AGAP1: variants seen among roughly 807,000 people sequenced by gnomAD.
AGAP1 encodes ArfGAP with GTPase domain, ankyrin repeat and PH domain 1, also known as arf-GAP with GTPase, ANK repeat and PH domain-containing protein 1.
In AGAP1, 29 loss-of-function variants were observed where a neutral mutation model predicts 105.3. That is an observed-to-expected ratio of 0.28 (90% CI 0.21 to 0.38). The LOEUF is 0.38. Ranked by LOEUF, AGAP1 falls within the 10% of genes least tolerant of loss-of-function variation. The probability of loss-of-function intolerance (pLI) is 1.00; values close to 1 mark genes in which losing one functional copy is unlikely to be tolerated. For missense variants in AGAP1, 998 were observed against 1,165.1 expected (o/e 0.86, Z 2.09); for synonymous variants, 509 against 485.9 (o/e 1.05, Z -0.63).
rs1328696922 is a variant in AGAP1, at chr2:236,049,042, T to C, written c.1892-17T>C. ...GATGGTCTGATTGCGTTTAGCGTTC[T>C]GTTCCTCTTCCCGTAGATCCCAACT... On this transcript the variant is annotated splice_polypyrimidine_tract_variant and intron_variant, in intron 15 of 17. Coordinates refer to ENST00000304032, the MANE Select transcript of AGAP1 (RefSeq NM_001037131.3). 8 of 1,609,474 alleles carry C rather than the reference T, an allele frequency of 5.0e-6. No individual in the cohort carries two copies. The highest frequency in any genetic ancestry group is 6.8e-6 in the Non-Finnish European group (8 of 1,176,618).
At chr2:236,015,114 T>C (rs773224624) in intron 13 of AGAP1, among the ~76,000 whole-genome samples, 5 of 152,234 alleles carry the variant, frequency 3.3e-5, no homozygotes, top group Non-Finnish European at 5.9e-5. Context: ...TTCCCTTCAG[T>C]CGTAGAGTAG....
intron 16 of AGAP1, among the ~76,000 whole-genome samples, chr2:236,091,047 C>G (rs2059046962): frequency 6.6e-6 from 1 of 152,256 alleles, no homozygotes; most frequent in Non-Finnish European, 1.5e-5. Context: ...CGTAATCGTT[C>G]CTGGTAAGCA....
intron 9 of AGAP1, among the ~76,000 whole-genome samples, chr2:235,880,877 CT>C (rs1319061889): frequency 6.6e-6 from 1 of 152,178 alleles, no homozygotes. Context: ...CTGATGGTGA[CT>C]GCCCTTCTCT....
At position 236,014,490 on chromosome 2, in the gene AGAP1, G is replaced by T. The variant is rs550880082; in HGVS notation, c.1646-22071G>T. On this transcript the variant is annotated intron_variant, in intron 13 of 17. Coordinates refer to ENST00000304032, the MANE Select transcript of AGAP1 (RefSeq NM_001037131.3). This position sits in a 1 kb window ranked among gnomAD's most constrained non-coding sequence, Gnocchi z 6.3. ...TTTCCCAAGGCAGAGGCCAGTTTTT[G>T]TGCTGTTTTGAGTAGCCACGTGTGA... Among the ~76,000 whole-genome samples, 2 of 152,278 alleles carry T rather than the reference G, an allele frequency of 1.3e-5. No homozygotes were observed. The highest frequency in any genetic ancestry group is 3.9e-4 in the East Asian group (2 of 5,154).
chr2:235,588,872 TC>T (rs749641910), intron 1 of AGAP1, among the ~76,000 whole-genome samples: 2 of 152,284 alleles, frequency 1.3e-5, no homozygotes, highest in South Asian at 2.1e-4. Flanking sequence ...TAAAGAATCT[TC>T]CGGCTGGGAA....
chr2:236,081,488 G>C (rs956538191), intron 16 of AGAP1, among the ~76,000 whole-genome samples: 5 of 152,216 alleles, frequency 3.3e-5, no homozygotes, highest in Non-Finnish European at 5.9e-5. Context: ...TCAAGATAGG[G>C]GTAAATCCTT....
rs78784596 is a variant in AGAP1, at chr2:235,801,172, C to G, written c.957+1650C>G. ...TCCCACAGAGGCCACTGCTGGGCAG[C>G]AGGGTGAGGACTGATCAGACAGACC... On this transcript the variant is annotated intron_variant, in intron 8 of 17. Coordinates refer to ENST00000304032, the MANE Select transcript of AGAP1 (RefSeq NM_001037131.3). This position sits in a 1 kb window ranked among gnomAD's most constrained non-coding sequence, Gnocchi z 6.0. Among the ~76,000 whole-genome samples, 1 of 152,174 alleles carries G rather than the reference C, an allele frequency of 6.6e-6. No homozygotes were observed. Among genetic ancestry groups the G allele is most frequent in the Non-Finnish European group, 1.5e-5 (1 of 68,040 alleles).
In AGAP1 at chr2:236,080,970, A is replaced by G. The variant is rs921869540; in HGVS notation, c.2114+31689A>G. Among the ~76,000 whole-genome samples, 1 of 152,192 alleles carries G rather than the reference A, an allele frequency of 6.6e-6. No homozygotes were observed. Among genetic ancestry groups the G allele is most frequent in the African/African-American group, 2.4e-5 (1 of 41,450 alleles). ...TAACCGTATCTGCAGTTAGGTTGCC[A>G]TGTAAGGTCACATAGTCACAGGTCC... On this transcript the variant is annotated intron_variant, in intron 16 of 17. Coordinates refer to ENST00000304032, the MANE Select transcript of AGAP1 (RefSeq NM_001037131.3). This position sits in a 1 kb window ranked among gnomAD's most constrained non-coding sequence, Gnocchi z 4.2.
chr2:236,049,484 G>C (rs965531825), intron 16 of AGAP1: 5 of 510,780 alleles, frequency 9.8e-6, no homozygotes, highest in Non-Finnish European at 1.7e-5. Flanking sequence ...AATTTTTTAT[G>C]TTTGTTTTTA....
rs545522969 is a variant in AGAP1 at position 235,775,379 on chromosome 2, G to A, written c.674-22380G>A. On this transcript the variant is annotated intron_variant, in intron 6 of 17. Transcript: ENST00000304032. ...CCAGCCAAAAGTGAGTTGTATTAGC[G>A]GAAGCATAAAAAGCTGTCCTCTTAA... Among the ~76,000 whole-genome samples, 4 of 152,292 alleles carry A rather than the reference G, an allele frequency of 2.6e-5. No individual in the cohort carries two copies. The East Asian group carries it at 5.8e-4, about 22-fold the overall frequency.
rs1018368077 is a variant in AGAP1 at position 235,740,716 on chromosome 2, C to T, written c.311-247C>T. Among the ~76,000 whole-genome samples, 17 of 152,242 alleles carry T rather than the reference C, an allele frequency of 1.1e-4. No homozygotes were observed. The highest frequency in any genetic ancestry group is 3.1e-4 in the African/African-American group (13 of 41,468). On this transcript the variant is annotated intron_variant, in intron 3 of 17. Transcript: ENST00000304032. The surrounding 1 kb of genome is among the most constrained non-coding windows in gnomAD (Gnocchi z 5.7). ...ATGAGAAGTCCACACTAATTGGCCA[C>T]GAGTGTCTGGCATTGCGAAGGAAGC...
At chr2:235,811,478 A>C (rs1958136803) in intron 9 of AGAP1, among the ~76,000 whole-genome samples, 1 of 152,242 alleles carries the variant, frequency 6.6e-6, no homozygotes, top group Admixed American at 6.5e-5. Flanking sequence ...GAGGTTTCAG[A>C]GAATAAAAAA....
chr2:235,619,476 G>T (rs12373825), intron 1 of AGAP1, among the ~76,000 whole-genome samples: 30,404 of 130,204 alleles, frequency 0.23, 3,615 homozygotes, highest in South Asian at 0.32. Flanking sequence ...CAAACCTGGG[G>T]CTGAAGTAGG....
rs539359635 is a variant in AGAP1 at position 235,927,886 on chromosome 2, T to C, written c.1325-2879T>C. On this transcript the variant is annotated intron_variant, in intron 11 of 17. Transcript: ENST00000304032. The surrounding 1 kb of genome is among the most constrained non-coding windows in gnomAD (Gnocchi z 4.4). ...GTGAAATTCCTTTTTGTTTTTCAGG[T>C]ATTTGGACCTTGTGTGCCTAAAGCT... 2.0e-4 allele frequency among the ~76,000 whole-genome samples: 31 copies of C among 152,308 alleles called. No homozygotes were observed. Among genetic ancestry groups the C allele is most frequent in the Non-Finnish European group, 4.3e-4 (29 of 68,020 alleles).
At position 235,649,498 on chromosome 2, in the gene AGAP1, C is replaced by T. The variant is rs574239726; in HGVS notation, c.164-59681C>T. On this transcript the variant is annotated intron_variant, in intron 1 of 17. Transcript: ENST00000304032. ...AAGCGATCCTCCCACCCCAGCCTTC[C>T]GAATAACTGAGACTACAGGTGCGCA... is the stretch of plus-strand genomic sequence containing the variant. 1.1e-4 allele frequency among the ~76,000 whole-genome samples: 17 copies of T among 152,242 alleles called. No homozygotes were observed. The South Asian group carries it at 2.9e-3, about 26-fold the overall frequency.
chr2:235,656,381 T>C (rs888386197), intron 1 of AGAP1, among the ~76,000 whole-genome samples: 1 of 152,210 alleles, frequency 6.6e-6, no homozygotes, highest in African/African-American at 2.4e-5. Flanking sequence ...AGAATCAGTA[T>C]GTCAGTATGT....
rs895980098 is a variant in AGAP1, at chr2:235,512,630, C to G, written c.163+17781C>G. On this transcript the variant is annotated intron_variant, in intron 1 of 17. Transcript: ENST00000304032. ...CAATCAATCAATCAGTCAATCCATGCGCGTCCTCCCCCATTCCTGCCTTGA... is the reference window on the plus strand; with the variant it reads ...CAATCAATCAATCAGTCAATCCATGGGCGTCCTCCCCCATTCCTGCCTTGA... 2.6e-5 allele frequency among the ~76,000 whole-genome samples: 4 copies of G among 152,120 alleles called. No homozygotes were observed. The East Asian group carries it at 7.7e-4, about 29-fold the overall frequency.
chr2:236,003,592 C>T lies in AGAP1; in HGVS notation c.1646-32969C>T, dbSNP rs1036627068. ...TGCCCGCATGGGGTACCCTTAAGTCCCACATCCAAGCTCCCTCCACCCCAC... is the reference window on the plus strand; with the variant it reads ...TGCCCGCATGGGGTACCCTTAAGTCTCACATCCAAGCTCCCTCCACCCCAC... On this transcript the variant is annotated intron_variant, in intron 13 of 17. Transcript: ENST00000304032. This position sits in a 1 kb window ranked among gnomAD's most constrained non-coding sequence, Gnocchi z 4.2. 2.0e-5 allele frequency among the ~76,000 whole-genome samples: 3 copies of T among 152,186 alleles called. No homozygotes were observed. Among genetic ancestry groups the T allele is most frequent in the African/African-American group, 7.2e-5 (3 of 41,444 alleles).
At chr2:235,536,142 TACACACAC>T (rs58090095) in intron 1 of AGAP1, among the ~76,000 whole-genome samples, 22 of 16,384 alleles carry the variant, frequency 1.3e-3, no homozygotes, top group African/African-American at 3.4e-3. Flanking sequence ...TGTGGCATCC[TACACACAC>T]ACACACACAC....
Sources: gnomAD v4.1 joint callset for allele counts (sites outside exome capture counted in the v4.1 genomes callset) on GRCh38, gnomAD v4.1.1 for gene constraint, Gnocchi (gnomAD v3.1) non-coding constraint, MANE v1.5 for transcripts, NCBI Gene and HGNC (gene_info 2026-07-23, HGNC 2026-07-21) for gene names.